The following ATF6 variants were observed in gnomAD, a reference collection of about 807,000 sequenced individuals.
ATF6 encodes activating transcription factor 6, also known as cyclic AMP-dependent transcription factor ATF-6 alpha.
In ATF6, 53 loss-of-function variants were observed where a neutral mutation model predicts 83.6. The observed-to-expected ratio is 0.63, with a 90% CI of 0.51 to 0.80. The LOEUF (loss-of-function observed/expected upper bound fraction) is 0.80, where lower values mean the gene tolerates loss of function less well. ATF6 is among the 30% of genes least tolerant of loss of function. The pLI is 0.00. For synonymous variants in ATF6, 288 were observed against 285.8 expected, an observed-to-expected ratio of 1.01 and a Z score of -0.08; for missense variants, 744 against 797.9, an observed-to-expected ratio of 0.93 and a Z score of 0.81.
intron 15 of ATF6, among the ~76,000 whole-genome samples, chr1:161,915,296 A>G (rs151143354): frequency 8.6e-4 from 131 of 152,288 alleles, no homozygotes; most frequent in African/African-American, 3.0e-3. Context: ...TGGGCAAGTT[A>G]ATTAACTTTT....
chr1:161,920,294 C>CTTTTTTTTTTTTTTTTTT lies in ATF6; in HGVS notation c.1804+7915_1804+7932dup, dbSNP rs71798307. On this transcript the variant is annotated intron_variant, in intron 15 of 15. Coordinates refer to ENST00000367942, the MANE Select transcript of ATF6 (RefSeq NM_007348.4). ...TAGTTCTCTTTCTCTCTCTCTCTCT[C>CTTTTTTTTTTTTTTTTTT]TTTTTTTTTTTTTTTTTTGAGACAG... Among the ~76,000 whole-genome samples the CTTTTTTTTTTTTTTTTTT allele has an allele frequency of 9.2e-3, 507 of 54,830 alleles. 173 individuals carry two copies. Among genetic ancestry groups the CTTTTTTTTTTTTTTTTTT allele is most frequent in the Middle Eastern group, 0.042 (2 of 48 alleles). The allele number at this position is 54,830 out of a possible 152,430, so 36.0% of individuals were successfully genotyped here. A position where few individuals can be genotyped will look rare whatever the true frequency, so the allele number is the denominator to read the frequency against.
intron 9 of ATF6, among the ~76,000 whole-genome samples, chr1:161,829,099 T>G (rs539558756): frequency 1.1e-4 from 17 of 151,584 alleles, no homozygotes; most frequent in Admixed American, 5.9e-4. Flanking sequence ...TAAATATATA[T>G]GCATCCAATG....
At chr1:161,939,362 A>G (rs951441194) in intron 15 of ATF6, among the ~76,000 whole-genome samples, 1 of 152,184 alleles carries the variant, frequency 6.6e-6, no homozygotes, top group Non-Finnish European at 1.5e-5. Flanking sequence ...CATGTGCACA[A>G]CGTGCAGGTT....
chr1:161,875,316 A>G (rs1332371991), intron 14 of ATF6, among the ~76,000 whole-genome samples: 1 of 151,946 alleles, frequency 6.6e-6, no homozygotes, highest in East Asian at 1.9e-4. Context: ...GTGAACTTTT[A>G]GTACTCTGAA....
At chr1:161,870,053 T>C (rs1269865824) in intron 14 of ATF6, among the ~76,000 whole-genome samples, 1 of 151,718 alleles carries the variant, frequency 6.6e-6, no homozygotes, top group African/African-American at 2.4e-5. Context: ...TTGTTGTGCT[T>C]TTTTCTTTAT....
intron 15 of ATF6, among the ~76,000 whole-genome samples, chr1:161,951,479 A>G (rs1407492459): frequency 2.0e-5 from 3 of 152,148 alleles, no homozygotes; most frequent in African/African-American, 7.2e-5. Context: ...TGTGTTCTAT[A>G]TTTTCATCAT....
intron 2 of ATF6, among the ~76,000 whole-genome samples, chr1:161,780,652 C>T (rs926149962): frequency 7.2e-5 from 11 of 152,068 alleles, no homozygotes; most frequent in African/African-American, 1.9e-4. Flanking sequence ...GGATTACAGG[C>T]GTGAGCCACT....
chr1:161,775,476 T>C (rs1009177614), intron 1 of ATF6, among the ~76,000 whole-genome samples: 4 of 152,220 alleles, frequency 2.6e-5, no homozygotes, highest in Non-Finnish European at 5.9e-5. Context: ...GACATTGCAC[T>C]ATAAGAACCA....
At chr1:161,898,069 A>T (rs952507369) in intron 14 of ATF6, among the ~76,000 whole-genome samples, 28 of 152,196 alleles carry the variant, frequency 1.8e-4, no homozygotes, top group Admixed American at 1.6e-3. Context: ...CTCCTAGTAA[A>T]TTTTTATTGA....
chr1:161,793,109 C>G (rs1684922873), intron 6 of ATF6, among the ~76,000 whole-genome samples: 2 of 152,110 alleles, frequency 1.3e-5, no homozygotes, highest in Non-Finnish European at 2.9e-5. Flanking sequence ...TAAATAAACA[C>G]CAATGTTACA....
intron 12 of ATF6, 81 bp from the exon 13 acceptor site, chr1:161,860,126 A>T: frequency 2.3e-6 from 2 of 865,720 alleles, no homozygotes; most frequent in Non-Finnish European, 3.4e-6. Context: ...AACAAATTTA[A>T]GTATAGAATG....
chr1:161,846,679 A>G lies in ATF6; in HGVS notation c.1319+99A>G, dbSNP rs1165854673. 7 of 1,241,020 alleles carry G rather than the reference A, an allele frequency of 5.6e-6. No homozygotes were observed. In the South Asian group the frequency reaches 6.3e-5, roughly 11 times the overall value. 76.9% of individuals were successfully genotyped at this position (1,241,020 alleles called of 1,614,324 possible). A position where few individuals can be genotyped will look rare whatever the true frequency, so the allele number is the denominator to read the frequency against. On this transcript the variant is annotated intron_variant, in intron 10 of 15. Transcript: ENST00000367942. ...AACATTGCATCTAAATTGTTCGTGT[A>G]TATTTTGAGTAGTAGAACACATAAA...
intron 4 of ATF6, among the ~76,000 whole-genome samples, chr1:161,788,165 G>A (rs1453947631): frequency 6.6e-6 from 1 of 152,188 alleles, no homozygotes; most frequent in African/African-American, 2.4e-5. Flanking sequence ...ATAGTACTCT[G>A]TGGGCTGGCA....
chr1:161,779,857 C>T (rs1031613602), intron 2 of ATF6, among the ~76,000 whole-genome samples: 1 of 152,042 alleles, frequency 6.6e-6, no homozygotes, highest in Non-Finnish European at 1.5e-5. Context: ...CATGTCTCAG[C>T]CTCCTGAATA....
At position 161,865,324 on chromosome 1, in the gene ATF6, T is replaced by C. The variant is rs1379081094; in HGVS notation, c.1719+2012T>C. 2.6e-5 allele frequency among the ~76,000 whole-genome samples: 4 copies of C among 152,112 alleles called. No individual in the cohort carries two copies. In the East Asian group the frequency reaches 5.8e-4, roughly 22 times the overall value. On this transcript the variant is annotated intron_variant, in intron 14 of 15. Transcript: ENST00000367942. ...ATAGCCGCATGCCACCATGCCTGGC[T>C]AATTTTTGTGTTTTTAGTAGAGACG...
chr1:161,919,063 G>A (rs561747532), intron 15 of ATF6, among the ~76,000 whole-genome samples: 6 of 152,222 alleles, frequency 3.9e-5, no homozygotes, highest in Admixed American at 1.3e-4. Context: ...TAGAAATCAC[G>A]TCATATCATC....
intron 13 of ATF6, among the ~76,000 whole-genome samples, chr1:161,862,651 C>CT (rs1488692658): frequency 2.0e-5 from 3 of 152,060 alleles, no homozygotes; most frequent in East Asian, 3.8e-4. Context: ...TGGTTATACT[C>CT]TTTTTATTGA....
intron 7 of ATF6, among the ~76,000 whole-genome samples, chr1:161,817,059 T>A (rs1685630504): frequency 6.6e-6 from 1 of 152,232 alleles, no homozygotes; most frequent in Admixed American, 6.5e-5. Flanking sequence ...TATCTGTTTC[T>A]ATGGGAAGAA....
intron 9 of ATF6, among the ~76,000 whole-genome samples, chr1:161,845,878 A>G (rs1686473313): frequency 6.6e-6 from 1 of 151,928 alleles, no homozygotes; most frequent in Non-Finnish European, 1.5e-5. Context: ...ATATACATTG[A>G]TGAGTGAAGA....
Sources: gnomAD v4.1 joint callset for allele counts (sites outside exome capture counted in the v4.1 genomes callset) on GRCh38, gnomAD v4.1.1 for gene constraint, MANE v1.5 for transcripts, NCBI Gene and HGNC (gene_info 2026-07-23, HGNC 2026-07-21) for gene names.